XKR9: variants seen among roughly 807,000 people sequenced by gnomAD.
XKR9 encodes the protein XK related 9, also known as XK-related protein 9.
Under a neutral mutation model 32.0 loss-of-function variants are expected in XKR9, and 32 were observed. That is an observed-to-expected ratio of 1.00 (90% CI 0.76 to 1.34). XKR9 has a LOEUF of 1.34. Among genes scored for constraint, XKR9 ranks in the 40% most tolerant of loss-of-function variants. XKR9 has a pLI of 0.00. For synonymous variants in XKR9, 168 were observed against 143.4 expected, an observed-to-expected ratio of 1.17 and a Z score of -1.22; for missense variants, 546 against 429.7, an observed-to-expected ratio of 1.27 and a Z score of -2.39.
chr8:70,879,128 C>G, the XKR9 span, among the ~76,000 whole-genome samples: 1 of 152,052 alleles, frequency 6.6e-6, no homozygotes, highest in African/African-American at 2.4e-5. Flanking sequence ...ACACAACATA[C>G]CAGAATCTCT....
intron 2 of XKR9, among the ~76,000 whole-genome samples, chr8:70,763,220 C>T (rs886459699): frequency 2.0e-5 from 3 of 152,182 alleles, no homozygotes; most frequent in Non-Finnish European, 4.4e-5. Flanking sequence ...GAGCTCAATA[C>T]ATCTGTGGGT....
At chr8:70,830,334 A>T in the XKR9 span, among the ~76,000 whole-genome samples, 93 of 151,960 alleles carry the variant, frequency 6.1e-4, no homozygotes, top group African/African-American at 2.2e-3. Context: ...TAATCTCAAC[A>T]TTTTGAGAAG....
chr8:71,037,531 C>T, the XKR9 span, among the ~76,000 whole-genome samples: 1 of 152,134 alleles, frequency 6.6e-6, no homozygotes, highest in South Asian at 2.1e-4. Context: ...AGTCCTTTTC[C>T]CAACTACTTC....
At chr8:70,909,867 C>T in the XKR9 span, among the ~76,000 whole-genome samples, 1 of 151,718 alleles carries the variant, frequency 6.6e-6, no homozygotes, top group East Asian at 2.0e-4. Flanking sequence ...TGCCACCATG[C>T]CTGGCTAATT....
rs1434649931 is a variant in XKR9 at position 70,733,264 on chromosome 8, CT to C, written c.494-530del. Among the ~76,000 whole-genome samples the C allele has an allele frequency of 2.0e-5, 3 of 152,084 alleles. No homozygotes were observed. The East Asian group carries it at 5.8e-4, about 29-fold the overall frequency. On this transcript the variant is annotated intron_variant, in intron 4 of 4. Coordinates refer to ENST00000408926, the MANE Select transcript of XKR9 (RefSeq NM_001011720.2). ...TATCTTCAGGATATGGGAAGTTGGG[CT>C]TGTTTAATATCTCATATTAAATTTT...
the XKR9 span, among the ~76,000 whole-genome samples, chr8:70,855,291 A>G: frequency 7.2e-4 from 110 of 152,288 alleles, 1 homozygote; most frequent in African/African-American, 2.5e-3. Context: ...AAAGGACCTG[A>G]TGGAGCTGAA....
chr8:70,712,945 T>C (rs1249371869), intron 4 of XKR9, among the ~76,000 whole-genome samples: 1 of 151,930 alleles, frequency 6.6e-6, no homozygotes, highest in Non-Finnish European at 1.5e-5. Context: ...TAAGATATCA[T>C]GAATAAGAAG....
chr8:70,699,532 G>A (rs961542323), intron 3 of XKR9, among the ~76,000 whole-genome samples: 3 of 152,182 alleles, frequency 2.0e-5, no homozygotes, highest in African/African-American at 7.2e-5. Context: ...CTGGCTTGTA[G>A]CGTTTCTGCT....
chr8:70,832,848 G>A, the XKR9 span, among the ~76,000 whole-genome samples: 7 of 152,202 alleles, frequency 4.6e-5, no homozygotes, highest in East Asian at 5.8e-4. Context: ...TTTACTGTTC[G>A]CCTTCTCCAC....
the XKR9 span, among the ~76,000 whole-genome samples, chr8:70,920,258 C>G: frequency 1.3e-5 from 2 of 152,082 alleles, no homozygotes. Flanking sequence ...TTCACAGCAT[C>G]TAAGAGTGGA....
At chr8:71,001,517 C>T in the XKR9 span, among the ~76,000 whole-genome samples, 7 of 152,138 alleles carry the variant, frequency 4.6e-5, no homozygotes, top group Non-Finnish European at 1.0e-4. Flanking sequence ...CCTCAGCCTC[C>T]CAAAAATCAC....
the XKR9 span, among the ~76,000 whole-genome samples, chr8:70,911,532 C>A: frequency 6.6e-6 from 1 of 152,146 alleles, no homozygotes; most frequent in East Asian, 1.9e-4. Flanking sequence ...ATACAAAGAA[C>A]ACATTCTTTT....
chr8:70,681,188 G>T lies in XKR9; in HGVS notation c.130G>T (p.Ala44Ser), dbSNP rs770902625. Reference protein sequence around the residue: ...HEGQYVFSALALSFMLFGTLV... With the variant: ...HEGQYVFSALSLSFMLFGTLV... ...AGGACAGTATGTTTTTAGTGCTTTAGCGTTAAGCTTTATGCTTTTTGGAAC... is the reference window on the plus strand; with the variant it reads ...AGGACAGTATGTTTTTAGTGCTTTATCGTTAAGCTTTATGCTTTTTGGAAC... Residue 44 changes from alanine to serine, a missense_variant, in exon 3 of 5, where the codon GCG becomes TCG. Physicochemically the swap from Ala to Ser is moderately conservative, Grantham distance 99. Transcript: ENST00000408926. 1 of 1,613,538 alleles carries T rather than the reference G, an allele frequency of 6.2e-7. No individual in the cohort carries two copies.
At chr8:71,038,303 CTCTT>C in the XKR9 span, among the ~76,000 whole-genome samples, 6 of 139,544 alleles carry the variant, frequency 4.3e-5, no homozygotes, top group South Asian at 6.7e-4. Context: ...CTCTCTCTCT[CTCTT>C]TCTTTCTTTC....
chr8:70,952,068 C>A, the XKR9 span, among the ~76,000 whole-genome samples: 1 of 151,480 alleles, frequency 6.6e-6, no homozygotes, highest in African/African-American at 2.4e-5. Flanking sequence ...AGAATACTTT[C>A]CTATATGTTT....
rs189083854 is a variant in XKR9 at position 70,769,431 on chromosome 8, T to C, written n.353-19908T>C. On this transcript the variant is annotated intron_variant and non_coding_transcript_variant, in intron 2 of 3. Transcript: ENST00000520273. ...TTATGTGTCTTGTGGTTGCTCTTCT[T>C]GAGGAGTATCTTAATGATGTTCCCT... Among the ~76,000 whole-genome samples the C allele has an allele frequency of 5.2e-3, 793 of 152,146 alleles. 7 individuals are homozygous for C. Among genetic ancestry groups the C allele is most frequent in the African/African-American group, 0.018 (762 of 41,512 alleles).
intron 4 of XKR9, among the ~76,000 whole-genome samples, chr8:70,726,249 T>C (rs1433538309): frequency 6.6e-6 from 1 of 152,196 alleles, no homozygotes; most frequent in East Asian, 1.9e-4. Context: ...AGCTTACAAA[T>C]ATATAGCTCA....
chr8:70,849,136 A>G, the XKR9 span, among the ~76,000 whole-genome samples: 1 of 152,244 alleles, frequency 6.6e-6, no homozygotes, highest in Non-Finnish European at 1.5e-5. Context: ...AGCCAACAGA[A>G]TATACATTCT....
At chr8:71,050,179 T>C in the XKR9 span, among the ~76,000 whole-genome samples, 1 of 150,276 alleles carries the variant, frequency 6.7e-6, no homozygotes, top group Non-Finnish European at 1.5e-5. Context: ...TTCTATGTCA[T>C]AGGGTTGTTA....
Sources: allele counts gnomAD v4.1 joint callset (sites outside exome capture counted in the v4.1 genomes callset), GRCh38; gene constraint gnomAD v4.1.1; transcripts MANE v1.5; gene names NCBI Gene and HGNC (gene_info 2026-07-23, HGNC 2026-07-21).